Variants in FANCB observed in about 807,000 individuals in gnomAD.
FANCB encodes FA complementation group B.
Under a neutral mutation model 38.9 loss-of-function variants are expected in FANCB, and 5 were observed. The ratio of observed to expected loss-of-function variants is 0.13; its 90% CI spans 0.07 to 0.27. The LOEUF is 0.27. FANCB is among the 10% of genes least tolerant of loss of function. The pLI is 1.00. For missense variants in FANCB, 573 were observed against 602.7 expected, an observed-to-expected ratio of 0.95 and a Z score of 0.52; for synonymous variants, 236 against 215.4, an observed-to-expected ratio of 1.10 and a Z score of -0.84.
chrX:14,842,429 A>G (rs1274964482), downstream of FANCB, among the ~76,000 whole-genome samples: 1 of 112,248 alleles, frequency 8.9e-6, no homozygotes, highest in Non-Finnish European at 1.9e-5. Context: ...TATTTCTCTC[A>G]ACTGAGATGG....
intron 1 of FANCB, among the ~76,000 whole-genome samples, chrX:14,872,642 C>A (rs1288966310): frequency 6.1e-4 from 54 of 88,910 alleles, no homozygotes; most frequent in Non-Finnish European, 9.9e-4. Flanking sequence ...ACCGCCCCCC[C>A]CACACACACC....
intron 7 of FANCB, among the ~76,000 whole-genome samples, chrX:14,846,657 A>C (rs1281216370): frequency 1.8e-5 from 2 of 111,527 alleles, no homozygotes; most frequent in Non-Finnish European, 1.9e-5. Context: ...GTATTCTGTT[A>C]ACAAAAATTC....
chrX:14,860,182 T>C (rs1466637495), intron 3 of FANCB, among the ~76,000 whole-genome samples: 1 of 111,730 alleles, frequency 9.0e-6, no homozygotes, highest in African/African-American at 3.3e-5. Context: ...CTAAAACCCC[T>C]TCTCAGAATT....
At chrX:14,797,692 AGAG>A in the FANCB span, among the ~76,000 whole-genome samples, 10 of 87,091 alleles carry the variant, frequency 1.1e-4, no homozygotes, top group African/African-American at 5.4e-4. Flanking sequence ...AAAAAAAAAA[AGAG>A]AGAGAGAGAG....
At chrX:14,757,567 G>T in the FANCB span, among the ~76,000 whole-genome samples, 1 of 111,978 alleles carries the variant, frequency 8.9e-6, no homozygotes, top group Admixed American at 9.4e-5. Flanking sequence ...GACCCTCACT[G>T]GGGAACCTGG....
chrX:14,698,256 T>C, the FANCB span, among the ~76,000 whole-genome samples: 1 of 111,795 alleles, frequency 8.9e-6, no homozygotes, highest in African/African-American at 3.3e-5. Flanking sequence ...GGGTACCCCC[T>C]CAGATTTTGC....
rs1244532026 is a variant in FANCB, at chrX:14,852,978, T to C, written c.1326+61A>G. 1.7e-4 allele frequency: 185 copies of C among 1,061,375 alleles called. 1 individual carries two copies. The allele number at this position is 1,061,375 out of a possible 1,213,427, so 87.5% of individuals were successfully genotyped here. On this transcript the variant is annotated intron_variant, in intron 6 of 9. Coordinates refer to ENST00000650831, the MANE Select transcript of FANCB (RefSeq NM_001018113.3). ...TCTAATATTCCAATTTAAATAACTT[T>C]TCAATAGCTTATAGATTTTCAATTC...
At chrX:14,854,621 T>C (rs181358083) in intron 5 of FANCB, among the ~76,000 whole-genome samples, 176 of 111,641 alleles carry the variant, frequency 1.6e-3, no homozygotes, top group Non-Finnish European at 1.8e-3. Flanking sequence ...CAAAACCAAA[T>C]ACAGGAGCAT....
chrX:14,817,651 C>T, the FANCB span, among the ~76,000 whole-genome samples: 1 of 111,886 alleles, frequency 8.9e-6, no homozygotes, highest in African/African-American at 3.3e-5. Flanking sequence ...CGCATAATAA[C>T]TGACATTCCT....
chrX:14,704,171 G>GT, the FANCB span, among the ~76,000 whole-genome samples: 1 of 112,107 alleles, frequency 8.9e-6, no homozygotes, highest in East Asian at 2.8e-4. Flanking sequence ...GTACCTTACA[G>GT]TTGGCATTGC....
At chrX:14,693,570 AG>A in the FANCB span, among the ~76,000 whole-genome samples, 1 of 112,249 alleles carries the variant, frequency 8.9e-6, no homozygotes, top group Non-Finnish European at 1.9e-5. Flanking sequence ...AAAAGCAGAC[AG>A]AAAGATCAGT....
At chrX:14,728,460 CCTA>C in the FANCB span, among the ~76,000 whole-genome samples, 529 of 111,846 alleles carry the variant, frequency 4.7e-3, 4 homozygotes, top group African/African-American at 0.017. Context: ...ATTAATAAAA[CCTA>C]CTAATGTATC....
chrX:14,726,932 G>A, the FANCB span, among the ~76,000 whole-genome samples: 1 of 111,685 alleles, frequency 9.0e-6, no homozygotes, highest in African/African-American at 3.3e-5. Context: ...AGTTTCTAAA[G>A]GTTTATAGAG....
At chrX:14,715,410 T>A in the FANCB span, among the ~76,000 whole-genome samples, 1 of 112,312 alleles carries the variant, frequency 8.9e-6, no homozygotes, top group Admixed American at 9.5e-5. Flanking sequence ...TTTATACATA[T>A]ATGCATTCAA....
At chrX:14,700,326 G>A in the FANCB span, among the ~76,000 whole-genome samples, 20 of 110,701 alleles carry the variant, frequency 1.8e-4, no homozygotes, top group East Asian at 4.0e-3. Flanking sequence ...GGGCAGGGAC[G>A]GAGCAGGAAG....
At chrX:14,697,889 G>C in the FANCB span, among the ~76,000 whole-genome samples, 1 of 111,713 alleles carries the variant, frequency 9.0e-6, no homozygotes, top group Non-Finnish European at 1.9e-5. Flanking sequence ...TTTTAACTAC[G>C]TTTTATTGTT....
the FANCB span, among the ~76,000 whole-genome samples, chrX:14,716,809 A>G: frequency 1.8e-5 from 2 of 111,304 alleles, no homozygotes; most frequent in Admixed American, 1.9e-4. Context: ...AAAAAGAAAA[A>G]TGGAAATTAA....
the FANCB span, among the ~76,000 whole-genome samples, chrX:14,783,394 G>A: frequency 3.6e-5 from 4 of 111,902 alleles, no homozygotes; most frequent in Admixed American, 3.8e-4. Flanking sequence ...ACCTCCCAAT[G>A]AAGCACTTCC....
At chrX:14,851,363 G>A (rs186177676) in intron 6 of FANCB, among the ~76,000 whole-genome samples, 1 of 111,858 alleles carries the variant, frequency 8.9e-6, no homozygotes, top group Admixed American at 9.5e-5. Flanking sequence ...TGAGGTACAG[G>A]GAAGTTATGT....
Sources: allele counts gnomAD v4.1 joint callset (sites outside exome capture counted in the v4.1 genomes callset), GRCh38; gene constraint gnomAD v4.1.1; transcripts MANE v1.5; gene names NCBI Gene and HGNC (gene_info 2026-07-23, HGNC 2026-07-21).